The following DNMBP variants were observed in gnomAD, a reference collection of about 807,000 sequenced individuals.
DNMBP encodes dynamin binding protein.
In DNMBP, 87 loss-of-function variants were observed where a neutral mutation model predicts 150.0. That is an observed-to-expected ratio of 0.58 (90% CI 0.49 to 0.69). DNMBP has a LOEUF of 0.69. DNMBP is among the 30% of genes least tolerant of loss of function. DNMBP has a pLI of 0.00. For synonymous variants in DNMBP, 711 were observed against 750.4 expected (o/e 0.95, Z 0.86); for missense variants, 1,774 against 1,949.0 (o/e 0.91, Z 1.69).
At position 99,982,044 on chromosome 10, in the gene DNMBP, G is replaced by C. The variant is rs75053882; in HGVS notation, c.-10-9910C>G. Among the ~76,000 whole-genome samples the C allele has an allele frequency of 6.6e-3, 1,012 of 152,220 alleles. 11 individuals carry two copies. The highest frequency in any genetic ancestry group is 0.023 in the African/African-American group (969 of 41,516). ...AAACTTCTCCATTCTGCTTTAAGTT[G>C]GACCTCTTCCAATTACCCAATTTGA... On this transcript the variant is annotated intron_variant, in intron 1 of 16. Coordinates refer to ENST00000324109, the MANE Select transcript of DNMBP (RefSeq NM_015221.4).
chr10:99,911,499 T>C (rs2039898636), intron 4 of DNMBP, among the ~76,000 whole-genome samples: 1 of 152,082 alleles, frequency 6.6e-6, no homozygotes, highest in South Asian at 2.1e-4. Context: ...AAAATCCATG[T>C]TCATACAAAA....
At chr10:99,895,734 T>G (rs2039643091) in intron 10 of DNMBP, among the ~76,000 whole-genome samples, 2 of 152,208 alleles carry the variant, frequency 1.3e-5, no homozygotes, top group Admixed American at 1.3e-4. Flanking sequence ...TGACTCTTGC[T>G]CTCACTGAAC....
chr10:99,969,350 T>C (rs2040652770), intron 2 of DNMBP, 113 bp from the exon 3 acceptor site: 8 of 1,057,828 alleles, frequency 7.6e-6, no homozygotes, highest in Non-Finnish European at 9.6e-6. Flanking sequence ...ACTTGAAAAC[T>C]CAGGGAATAC....
intron 1 of DNMBP, among the ~76,000 whole-genome samples, chr10:99,974,359 G>A (rs898363278): frequency 6.6e-6 from 1 of 152,188 alleles, no homozygotes; most frequent in African/African-American, 2.4e-5. Context: ...ACCTACGTAT[G>A]TATTGAAGCA....
intron 6 of DNMBP, among the ~76,000 whole-genome samples, chr10:99,902,986 G>A (rs2039767698): frequency 1.3e-5 from 2 of 151,734 alleles, no homozygotes; most frequent in South Asian, 4.2e-4. Flanking sequence ...CTAGACTGGA[G>A]TGCAGTGTTG....
chr10:100,005,326 G>A (rs2041055822), intron 1 of DNMBP, among the ~76,000 whole-genome samples: 1 of 152,144 alleles, frequency 6.6e-6, no homozygotes, highest in Admixed American at 6.5e-5. Context: ...TTAGGGGGTA[G>A]GAACAACTTG....
chr10:99,875,811 T>C lies in DNMBP; in HGVS notation c.*1340A>G, dbSNP rs1442642549. On this transcript the variant is annotated 3_prime_UTR_variant, in exon 17 of 17. Coordinates refer to ENST00000324109, the MANE Select transcript of DNMBP (RefSeq NM_015221.4). ...TTCCCTTTCTTTTAAAAGACAAATT[T>C]CATGGTTTCCCATTCCAAGATAGGC... 1 of 152,168 alleles carries C rather than the reference T, an allele frequency of 6.6e-6. No individual in the cohort carries two copies. The highest frequency in any genetic ancestry group is 1.5e-5 in the Non-Finnish European group (1 of 68,034). The allele number at this position is 152,168 out of a possible 1,614,324, so 9.4% of individuals were successfully genotyped here. A position where few individuals can be genotyped will look rare whatever the true frequency, so the allele number is the denominator to read the frequency against.
intron 4 of DNMBP, among the ~76,000 whole-genome samples, chr10:99,924,142 A>G (rs2040052754): frequency 6.6e-6 from 1 of 152,026 alleles, no homozygotes; most frequent in Non-Finnish European, 1.5e-5. Context: ...CAACAGAGTA[A>G]GGCTCCAGGC....
intron 4 of DNMBP, among the ~76,000 whole-genome samples, chr10:99,935,483 C>T (rs2133294905): frequency 6.6e-6 from 1 of 152,198 alleles, no homozygotes; most frequent in African/African-American, 2.4e-5. Context: ...AACTGTTGGG[C>T]TCAAGCAGTC....
intron 16 of DNMBP, 26 bp from the exon 17 acceptor site, chr10:99,877,362 G>C (rs2039292867): frequency 6.3e-7 from 1 of 1,574,934 alleles, no homozygotes; most frequent in African/African-American, 1.4e-5. Context: ...AGAGAAAATG[G>C]GAAATTGCTG....
rs1261038160 is a variant in DNMBP, at chr10:99,880,264, A to G, written c.4095T>C (p.Ser1365=). The part of the protein sequence containing the change: ...ASVGSHSSTE[S]EHGSSSPRFP... ...ACCTGGGGGAGGAGCTGCCGTGCTCAGACTCTGTGGAGGAGTGGCTACCCA... is the reference window on the plus strand; with the variant it reads ...ACCTGGGGGAGGAGCTGCCGTGCTCGGACTCTGTGGAGGAGTGGCTACCCA... Residue 1365 remains serine, a synonymous_variant, in exon 16 of 17, where the codon TCT becomes TCC. Transcript: ENST00000324109. The G allele has an allele frequency of 1.2e-6, 2 of 1,614,010 alleles. No homozygotes were observed. Among genetic ancestry groups the G allele is most frequent in the African/African-American group, 1.3e-5 (1 of 74,928 alleles).
chr10:99,884,424 A>T (rs1438002589), intron 14 of DNMBP, among the ~76,000 whole-genome samples: 1 of 152,198 alleles, frequency 6.6e-6, no homozygotes, highest in Non-Finnish European at 1.5e-5. Flanking sequence ...TAGTTAAGAA[A>T]ATTTAACACA....
intron 2 of DNMBP, 112 bp from the exon 3 acceptor site, chr10:99,969,349 C>A: frequency 9.4e-7 from 1 of 1,066,404 alleles, no homozygotes; most frequent in Non-Finnish European, 1.4e-6. Flanking sequence ...AACTTGAAAA[C>A]TCAGGGAATA....
At chr10:99,926,466 C>A (rs997698456) in intron 4 of DNMBP, among the ~76,000 whole-genome samples, 1 of 152,016 alleles carries the variant, frequency 6.6e-6, no homozygotes, top group African/African-American at 2.4e-5. Context: ...CAAAAGCAGG[C>A]AGAATTTGGA....
chr10:100,005,435 A>C (rs1264134274), intron 1 of DNMBP, among the ~76,000 whole-genome samples: 1 of 152,176 alleles, frequency 6.6e-6, no homozygotes. Context: ...AATTAGACAC[A>C]TAACAATATG....
chr10:99,902,663 C>G (rs1366624137), intron 6 of DNMBP, among the ~76,000 whole-genome samples: 2 of 150,184 alleles, frequency 1.3e-5, no homozygotes, highest in Non-Finnish European at 3.0e-5. Flanking sequence ...CGTAGTGGCT[C>G]AAGCCTGTAA....
At chr10:99,991,935 G>T (rs541266183) in intron 1 of DNMBP, among the ~76,000 whole-genome samples, 1 of 148,302 alleles carries the variant, frequency 6.7e-6, no homozygotes, top group South Asian at 2.1e-4. Flanking sequence ...AATATGATCA[G>T]CTTAGAGCGT....
At chr10:99,942,140 T>G (rs2040307684) in intron 4 of DNMBP, among the ~76,000 whole-genome samples, 1 of 152,220 alleles carries the variant, frequency 6.6e-6, no homozygotes, top group Non-Finnish European at 1.5e-5. Context: ...CTGTCTTATC[T>G]GTCTGGAACG....
intron 4 of DNMBP, among the ~76,000 whole-genome samples, chr10:99,937,018 A>T (rs2040241669): frequency 6.6e-6 from 1 of 152,138 alleles, no homozygotes; most frequent in Non-Finnish European, 1.5e-5. Context: ...GTCCTGCCTC[A>T]GCCTCCCAAG....
Sources: allele counts gnomAD v4.1 joint callset (sites outside exome capture counted in the v4.1 genomes callset), GRCh38; gene constraint gnomAD v4.1.1; transcripts MANE v1.5; gene names NCBI Gene and HGNC (gene_info 2026-07-23, HGNC 2026-07-21).